The following SNRPN variants were observed in gnomAD, a reference collection of about 807,000 sequenced individuals.
SNRPN encodes small nuclear ribonucleoprotein-associated protein N.
In SNRPN, 7 loss-of-function variants were observed where a neutral mutation model predicts 25.2. That is an observed-to-expected ratio of 0.28 (90% CI 0.16 to 0.52). The LOEUF is 0.52. Among genes scored for constraint, SNRPN ranks in the 20% least tolerant of loss-of-function variants. The pLI is 0.96. For missense variants in SNRPN, 196 were observed against 322.5 expected, an observed-to-expected ratio of 0.61 and a Z score of 3.00; for synonymous variants, 124 against 110.6, an observed-to-expected ratio of 1.12 and a Z score of -0.76.
intron 2 of SNRPN, among the ~76,000 whole-genome samples, chr15:24,843,816 C>CAG (rs1555378753): frequency 3.5e-4 from 53 of 149,904 alleles, no homozygotes; most frequent in Admixed American, 3.1e-3. Flanking sequence ...CACACACACA[C>CAG]AGAAAACTTA....
At chr15:24,913,676 A>G (rs990972339) in intron 2 of SNRPN, among the ~76,000 whole-genome samples, 1 of 152,166 alleles carries the variant, frequency 6.6e-6, no homozygotes, top group African/African-American at 2.4e-5. Flanking sequence ...AACAAAAAAA[A>G]CAAAGAAAAA....
At chr15:24,976,733 A>G (rs2153703089) in intron 6 of SNRPN, 144 bp from the exon 7 acceptor site, 2 of 727,392 alleles carry the variant, frequency 2.7e-6, no homozygotes, top group East Asian at 5.2e-5. Flanking sequence ...TCCATGGTAT[A>G]CTTGCTTGTT....
At chr15:24,919,858 C>G (rs1345535565) in intron 2 of SNRPN, among the ~76,000 whole-genome samples, 1 of 152,110 alleles carries the variant, frequency 6.6e-6, no homozygotes, top group Non-Finnish European at 1.5e-5. Context: ...TGTCAGTGTA[C>G]AGAACGCTAT....
chr15:24,852,779 AGCTAG>A (rs2052989901), upstream of SNRPN, among the ~76,000 whole-genome samples: 1 of 152,112 alleles, frequency 6.6e-6, no homozygotes, highest in Non-Finnish European at 1.5e-5. Flanking sequence ...GCAAAAAATT[AGCTAG>A]GTGTTGCAGC....
At chr15:24,975,053 A>G (rs1359645296) in intron 4 of SNRPN, 1 of 691,074 alleles carries the variant, frequency 1.4e-6, no homozygotes, top group Non-Finnish European at 2.6e-6. Flanking sequence ...AGAACACCCT[A>G]CATCATTGTG....
At chr15:24,967,853 T>A in intron 2 of SNRPN, 79 bp from the exon 3 acceptor site, 1 of 1,077,102 alleles carries the variant, frequency 9.3e-7, no homozygotes, top group Non-Finnish European at 1.4e-6. Flanking sequence ...AATGTAAGGG[T>A]ACCTAGTTTT....
At chr15:24,863,358 C>T (rs1872824202) in intron 1 of SNRPN, among the ~76,000 whole-genome samples, 1 of 150,700 alleles carries the variant, frequency 6.6e-6, no homozygotes, top group Admixed American at 6.6e-5. Flanking sequence ...CAGCAGGTAA[C>T]TTTCAGTCAA....
At chr15:24,833,186 G>A (rs922014067) in intron 2 of SNRPN, among the ~76,000 whole-genome samples, 1 of 150,484 alleles carries the variant, frequency 6.6e-6, no homozygotes, top group Non-Finnish European at 1.5e-5. Context: ...CTGGAGCTTG[G>A]TTCCTGGGTT....
At chr15:24,826,399 G>C (rs1297463575) in intron 1 of SNRPN, among the ~76,000 whole-genome samples, 1 of 152,108 alleles carries the variant, frequency 6.6e-6, no homozygotes, top group African/African-American at 2.4e-5. Flanking sequence ...TTGCATGGCT[G>C]CCTCACATTC....
chr15:24,879,915 A>G (rs929753273), intron 1 of SNRPN, among the ~76,000 whole-genome samples: 1 of 152,116 alleles, frequency 6.6e-6, no homozygotes, highest in African/African-American at 2.4e-5. Flanking sequence ...GCTAATTTGG[A>G]TGAGATTCAC....
intron 1 of SNRPN, among the ~76,000 whole-genome samples, chr15:24,879,424 G>A (rs1265721737): frequency 2.1e-5 from 3 of 141,464 alleles, no homozygotes; most frequent in Non-Finnish European, 3.0e-5. Flanking sequence ...AGGACAGAGT[G>A]CGATTCTGTC....
At chr15:24,957,893 TG>T (rs1028975173) in intron 1 of SNRPN, among the ~76,000 whole-genome samples, 8 of 152,174 alleles carry the variant, frequency 5.3e-5, no homozygotes, top group Non-Finnish European at 8.8e-5. Context: ...CAGATCCCTT[TG>T]GAAAGGCCTC....
intron 2 of SNRPN, among the ~76,000 whole-genome samples, chr15:24,916,219 C>G (rs2152370040): frequency 6.6e-6 from 1 of 152,262 alleles, no homozygotes; most frequent in East Asian, 1.9e-4. Context: ...CTCGGCCTCC[C>G]AAAGTGCTGG....
chr15:24,870,981 A>G (rs940605134), intron 1 of SNRPN, among the ~76,000 whole-genome samples: 1 of 151,808 alleles, frequency 6.6e-6, no homozygotes, highest in South Asian at 2.1e-4. Flanking sequence ...CCCAGGTTCC[A>G]GCAATTATCT....
intron 1 of SNRPN, among the ~76,000 whole-genome samples, chr15:24,958,386 C>T (rs1229070297): frequency 2.6e-4 from 32 of 124,216 alleles, no homozygotes; most frequent in Admixed American, 1.3e-3. Context: ...GTCCTGTCTC[C>T]TTTTTTTTTT....
chr15:24,904,519 G>C (rs1355044702), intron 2 of SNRPN, among the ~76,000 whole-genome samples: 1 of 151,822 alleles, frequency 6.6e-6, no homozygotes, highest in East Asian at 1.9e-4. Context: ...GCTAGGCATG[G>C]TGCCGCGCGC....
intron 3 of SNRPN, among the ~76,000 whole-genome samples, chr15:24,933,414 G>A (rs766570910): frequency 5.3e-5 from 8 of 152,056 alleles, no homozygotes; most frequent in Non-Finnish European, 8.8e-5. Context: ...GTGTGTAGGA[G>A]CCTAGAGGAG....
intron 5 of SNRPN, among the ~76,000 whole-genome samples, 196 bp from the exon 6 acceptor site, chr15:24,976,109 T>TA (rs1305222680): frequency 6.6e-6 from 1 of 152,244 alleles, no homozygotes; most frequent in African/African-American, 2.4e-5. Context: ...AGACTAAAGT[T>TA]AGATTAGAAA....
At chr15:24,830,544 A>T (rs2050432170) in intron 2 of SNRPN, among the ~76,000 whole-genome samples, 1 of 152,022 alleles carries the variant, frequency 6.6e-6, no homozygotes, top group South Asian at 2.1e-4. Context: ...TTTGGGTTTC[A>T]ACTTTTCTAA....
Sources: gnomAD v4.1 joint callset for allele counts (sites outside exome capture counted in the v4.1 genomes callset) on GRCh38, gnomAD v4.1.1 for gene constraint, MANE v1.5 for transcripts, NCBI Gene and HGNC (gene_info 2026-07-23, HGNC 2026-07-21) for gene names.